Variants in ERCC8 observed in about 807,000 individuals in gnomAD.
The protein encoded by ERCC8 is DNA excision repair protein ERCC-8.
A neutral mutation model predicts 54.9 loss-of-function variants in ERCC8; 52 were observed. The observed-to-expected ratio is 0.95, with a 90% CI of 0.76 to 1.19. The LOEUF (loss-of-function observed/expected upper bound fraction) is 1.19. Among genes scored for constraint, ERCC8 ranks in the 50% most tolerant of loss-of-function variants. The pLI is 0.00. For synonymous variants in ERCC8, 146 were observed against 157.2 expected (o/e 0.93, Z 0.53); for missense variants, 514 against 466.1 (o/e 1.10, Z -0.95).
At chr5:60,909,360 C>G (rs533243243) in intron 4 of ERCC8, among the ~76,000 whole-genome samples, 61 of 141,854 alleles carry the variant, frequency 4.3e-4, no homozygotes, top group African/African-American at 1.5e-3. Flanking sequence ...AGGTTCAGTA[C>G]TGTAATAGAA....
At chr5:60,924,826 TAGTC>T in intron 2 of ERCC8, among the ~76,000 whole-genome samples, 1 of 152,268 alleles carries the variant, frequency 6.6e-6, no homozygotes, top group African/African-American at 2.4e-5. Flanking sequence ...CTTTAAGTTT[TAGTC>T]AGTCTTCATT....
At chr5:60,929,088 G>T (rs1045687687) in intron 1 of ERCC8, 129 bp from the exon 2 acceptor site, 1 of 613,388 alleles carries the variant, frequency 1.6e-6, no homozygotes, top group South Asian at 2.2e-5. Context: ...ACATCCTAAC[G>T]TATTTATAGA....
chr5:60,874,655 G>T lies in ERCC8; in HGVS notation c.1151C>A (p.Ala384Asp), dbSNP rs1360224080. The T allele has an allele frequency of 5.0e-6, 8 of 1,611,788 alleles. No individual in the cohort carries two copies. The highest frequency in any genetic ancestry group is 6.8e-6 in the Non-Finnish European group (8 of 1,179,334). ...ACTGCTGCTCCAGGCATCTTCAAAG[G>T]CCGGATTTAATTGTGATTTTGTTGT... Reference protein sequence around the residue: ...ETTTKSQLNPAFEDAWSSSDE... With the variant: ...ETTTKSQLNPDFEDAWSSSDE... Residue 384 changes from alanine to aspartate, a missense_variant, in exon 12 of 12, where the codon GCC becomes GAC. Physicochemically the swap from Ala to Asp is moderately radical, Grantham distance 126. Transcript: ENST00000676185.
intron 9 of ERCC8, chr5:60,892,960 T>C (rs1014387843): frequency 1.3e-6 from 1 of 762,800 alleles, no homozygotes; most frequent in Non-Finnish European, 2.5e-6. Context: ...AGAACCCTCA[T>C]GAGGTTTTCA....
At chr5:60,915,528 A>T (rs1360738312) in intron 4 of ERCC8, among the ~76,000 whole-genome samples, 1 of 152,068 alleles carries the variant, frequency 6.6e-6, no homozygotes, top group East Asian at 1.9e-4. Flanking sequence ...TCTGTAATAA[A>T]TCTGTTCTAC....
chr5:60,909,555 A>G, intron 4 of ERCC8: 1 of 160,028 alleles, frequency 6.2e-6, no homozygotes, highest in Non-Finnish European at 1.4e-5. Context: ...GAGGATAAAG[A>G]CCTTTATGAT....
intron 1 of ERCC8, among the ~76,000 whole-genome samples, chr5:60,941,681 T>C (rs925474527): frequency 4.6e-5 from 7 of 152,102 alleles, no homozygotes; most frequent in Admixed American, 1.3e-4. Context: ...CAGAGAAAAA[T>C]GATAAATTAC....
At chr5:60,886,865 T>C (rs1748409541) in intron 11 of ERCC8, among the ~76,000 whole-genome samples, 1 of 152,244 alleles carries the variant, frequency 6.6e-6, no homozygotes, top group African/African-American at 2.4e-5. Flanking sequence ...GATATTTACC[T>C]TGATGTTTAC....
chr5:60,943,616 G>A (rs158572), intron 1 of ERCC8, among the ~76,000 whole-genome samples: 96,703 of 151,962 alleles, frequency 0.64, 31,197 homozygotes, highest in East Asian at 0.94. Context: ...ATTAAAAGAG[G>A]AAATTGGCCA....
chr5:60,936,533 C>G (rs1292642810), intron 1 of ERCC8, among the ~76,000 whole-genome samples: 2 of 152,012 alleles, frequency 1.3e-5, no homozygotes, highest in Non-Finnish European at 2.9e-5. Context: ...TATTTCTGCT[C>G]TGATCTTGGT....
intron 9 of ERCC8, chr5:60,892,159 G>A (rs1748581491): frequency 9.7e-6 from 5 of 516,718 alleles, no homozygotes; most frequent in Non-Finnish European, 1.9e-5. Context: ...TAGGGTGGTG[G>A]TCTACATTGA....
chr5:60,866,629 C>T lies in ERCC8; in HGVS notation c.*7986G>A, dbSNP rs374102241. 9 of 152,262 alleles carry T rather than the reference C, an allele frequency of 5.9e-5. No individual in the cohort carries two copies. In the East Asian group the frequency reaches 1.7e-3, roughly 29 times the overall value. 9.4% of individuals were successfully genotyped at this position (152,262 alleles called of 1,614,324 possible). On this transcript the variant is annotated 3_prime_UTR_variant, in exon 12 of 12. Transcript: ENST00000676185. ...AGTGTAATTCAGGCAAAATTCATTC[C>T]ATTAGAATTTGAGTGTTCACTCAGT...
chr5:60,938,038 TACATACATAC>T (rs1343407473), intron 1 of ERCC8, among the ~76,000 whole-genome samples: 203 of 17,912 alleles, frequency 0.011, no homozygotes, highest in South Asian at 0.1. Flanking sequence ...CATACATACA[TACATACATAC>T]ATATATATAT....
At chr5:60,911,597 A>G (rs1749266509) in intron 4 of ERCC8, among the ~76,000 whole-genome samples, 1 of 152,152 alleles carries the variant, frequency 6.6e-6, no homozygotes, top group Admixed American at 6.5e-5. Flanking sequence ...TAGTTTAATT[A>G]GATCCCACTT....
At chr5:60,880,506 C>G (rs1748177747) in intron 11 of ERCC8, among the ~76,000 whole-genome samples, 1 of 152,156 alleles carries the variant, frequency 6.6e-6, no homozygotes, top group South Asian at 2.1e-4. Context: ...GTACACCAAT[C>G]AGATGTAGAT....
chr5:60,927,105 C>CA (rs796901783), intron 2 of ERCC8, among the ~76,000 whole-genome samples: 9 of 152,330 alleles, frequency 5.9e-5, no homozygotes, highest in African/African-American at 2.2e-4. Context: ...TCAAGCTTCA[C>CA]AGAGTGATAC....
chr5:60,916,394 C>T (rs1487879993), intron 4 of ERCC8, among the ~76,000 whole-genome samples: 1 of 151,910 alleles, frequency 6.6e-6, no homozygotes, highest in Non-Finnish European at 1.5e-5. Context: ...AAGTTGAATG[C>T]ATTTCTGTAA....
In ERCC8 at chr5:60,870,327, G is replaced by A. The variant is rs552131814; in HGVS notation, c.*4288C>T. Among the ~76,000 whole-genome samples, 21 of 151,686 alleles carry A rather than the reference G, an allele frequency of 1.4e-4. No homozygotes were observed. The highest frequency in any genetic ancestry group is 3.3e-4 in the Admixed American group (5 of 15,208). On this transcript the variant is annotated 3_prime_UTR_variant, in exon 12 of 12. Transcript: ENST00000676185. ...CAAAACAAAAAGGGCAAGGAGAAAC[G>A]AAAAGATAAGACAATGAAAGAGAAG...
chr5:60,888,921 T>C (rs1748471959), intron 10 of ERCC8, among the ~76,000 whole-genome samples: 1 of 152,222 alleles, frequency 6.6e-6, no homozygotes. Flanking sequence ...CTGTCCTTTA[T>C]AGCAAAAGGG....
Sources: gnomAD v4.1 joint callset for allele counts (sites outside exome capture counted in the v4.1 genomes callset) on GRCh38, gnomAD v4.1.1 for gene constraint, MANE v1.5 for transcripts, NCBI Gene and HGNC (gene_info 2026-07-23, HGNC 2026-07-21) for gene names.